Variants in TEX101 observed in about 807,000 individuals in gnomAD.
TEX101 encodes testis expressed 101, also known as testis-expressed protein 101.
In TEX101, 10 loss-of-function variants were observed where a neutral mutation model predicts 18.1. The observed-to-expected ratio is 0.55, with a 90% confidence interval of 0.34 to 0.94. The LOEUF is 0.94. TEX101 is among the 40% of genes least tolerant of loss of function. TEX101 has a pLI of 0.02. For synonymous variants in TEX101, 94 were observed against 114.8 expected, an observed-to-expected ratio of 0.82 and a Z score of 1.16; for missense variants, 259 against 298.9, an observed-to-expected ratio of 0.87 and a Z score of 0.98.
At chr19:43,417,839 C>T in intron 4 of TEX101, 39 bp from the exon 5 acceptor site, 1 of 1,611,914 alleles carries the variant, frequency 6.2e-7, no homozygotes, top group South Asian at 1.1e-5. Flanking sequence ...TCTCTGGAGG[C>T]AGGACCTGCC....
At chr19:43,399,259 T>C (rs556758676), upstream of TEX101, among the ~76,000 whole-genome samples, 1 of 152,336 alleles carries the variant, frequency 6.6e-6, no homozygotes, top group Non-Finnish European at 1.5e-5. Flanking sequence ...TATTGGATTA[T>C]ATCAAGTTGC....
chr19:43,406,480 T>G (rs1207234587), exon 3 of TEX101: 1 of 767,554 alleles, frequency 1.3e-6, no homozygotes, highest in South Asian at 1.4e-5. Context: ...CGGTGGGCGG[T>G]CCCGCCTCCA....
upstream of TEX101, among the ~76,000 whole-genome samples, chr19:43,399,228 T>A (rs1599895111): frequency 2.0e-5 from 3 of 152,318 alleles, no homozygotes; most frequent in East Asian, 3.9e-4. Context: ...GAATACTTCA[T>A]GAGTGATGCT....
chr19:43,416,102 G>A lies in TEX101; in HGVS notation c.68G>A (p.Gly23Asp), dbSNP rs1555746497. The A allele has an allele frequency of 5.6e-6, 9 of 1,610,050 alleles. No individual in the cohort carries two copies. Among genetic ancestry groups the A allele is most frequent in the Non-Finnish European group, 7.6e-6 (9 of 1,178,132 alleles). ...CCTTTTCTTGTTTTCTCCTCAGCGG[G>A]CCTAGAGCTGTATTGTCAAAAGGGT... The part of the protein sequence containing the change: ...LVLGASLLTS[G>D]LELYCQKGLS... The change falls in exon 3 of 6, where the codon GGC becomes GAC. Residue 23 changes from glycine to aspartate, a missense_variant. By Grantham distance (94) the Gly-to-Asp change is moderately conservative. Coordinates refer to ENST00000598265, the MANE Select transcript of TEX101 (RefSeq NM_001130011.3).
upstream of TEX101, among the ~76,000 whole-genome samples, chr19:43,400,319 G>A (rs1970308282): frequency 1.3e-5 from 2 of 152,152 alleles, no homozygotes; most frequent in South Asian, 2.1e-4. Flanking sequence ...GTTTGCTACT[G>A]TTAGCAGATA....
chr19:43,390,755 T>C, the TEX101 span, among the ~76,000 whole-genome samples: 3 of 151,460 alleles, frequency 2.0e-5, no homozygotes, highest in Admixed American at 6.6e-5. Flanking sequence ...GTAAGCCACC[T>C]CGCCCGGCCC....
chr19:43,414,884 C>T (rs1042843713), upstream of TEX101: 43 of 985,354 alleles, frequency 4.4e-5, no homozygotes, highest in Admixed American at 2.3e-3. Context: ...CCCGGCCTTG[C>T]GTCGTAAGAG....
chr19:43,412,159 G>C (rs764087786), upstream of TEX101, among the ~76,000 whole-genome samples: 4 of 152,162 alleles, frequency 2.6e-5, no homozygotes, highest in African/African-American at 4.8e-5. Flanking sequence ...GGTTTGATTG[G>C]CTCAAGGTTC....
rs1041750344 is a variant in TEX101 at position 43,418,185 on chromosome 19, G to C, written c.538G>C (p.Val180Leu). 2 of 1,614,208 alleles carry C rather than the reference G, an allele frequency of 1.2e-6. No homozygotes were observed. The highest frequency in any genetic ancestry group is 1.7e-5 in the Admixed American group (1 of 60,026). ...EITGGGIESS[V>L]EVKGCTAMIG... ...TTCTATAGGTGGCATTGAGTCGTCTGTGGAGGTCAAAGGCTGTACAGCCAT... is the reference window on the plus strand; with the variant it reads ...TTCTATAGGTGGCATTGAGTCGTCTCTGGAGGTCAAAGGCTGTACAGCCAT... The change falls in exon 6 of 6, where the codon GTG (valine) becomes CTG (leucine). Residue 180 changes from valine to leucine, a missense_variant. Val to Leu is a conservative substitution (Grantham distance 32). Transcript: ENST00000598265.
Position 43,417,936 on chromosome 19 carries a change from C to G in TEX101, c.450C>G (p.Phe150Leu), listed in dbSNP as rs769859550. The G allele has an allele frequency of 1.7e-5, 27 of 1,614,062 alleles. No individual in the cohort carries two copies. Among genetic ancestry groups the G allele is most frequent in the Non-Finnish European group, 2.2e-5 (26 of 1,180,036 alleles). Residue 150 changes from phenylalanine to leucine, a missense_variant, in exon 5 of 6, where the codon TTC becomes TTG. Physicochemically the swap from Phe to Leu is conservative, Grantham distance 22. Coordinates refer to ENST00000598265, the MANE Select transcript of TEX101 (RefSeq NM_001130011.3). Reference sequence around the variant, plus strand: ...CCTGTGTGGCTTTGGGGACCTGTTTCAGTGCTCCTTCTCTTCCCTGTCCCA... The same window carrying G: ...CCTGTGTGGCTTTGGGGACCTGTTTGAGTGCTCCTTCTCTTCCCTGTCCCA... The part of the protein sequence containing the change: ...CPTCVALGTC[F>L]SAPSLPCPNG...
upstream of TEX101, among the ~76,000 whole-genome samples, chr19:43,411,807 G>A (rs1411904095): frequency 6.6e-6 from 1 of 151,872 alleles, no homozygotes; most frequent in Non-Finnish European, 1.5e-5. Flanking sequence ...CGTGCCACCA[G>A]GCCTGGCTAA....
At chr19:43,406,170 C>A in intron 2 of TEX101, 5 of 223,038 alleles carry the variant, frequency 2.2e-5, no homozygotes, top group Middle Eastern at 1.7e-3. Flanking sequence ...TGAATTAAAA[C>A]AAAACACAGC....
chr19:43,398,319 A>G (rs902582366), upstream of TEX101, among the ~76,000 whole-genome samples: 44 of 144,546 alleles, frequency 3.0e-4, no homozygotes, highest in African/African-American at 1.1e-3. Flanking sequence ...CTCTGTTGCC[A>G]GGCTGGAGTG....
chr19:43,401,211 G>A (rs1478117176), upstream of TEX101, among the ~76,000 whole-genome samples: 1 of 152,216 alleles, frequency 6.6e-6, no homozygotes, highest in Non-Finnish European at 1.5e-5. Context: ...ACATAATTCA[G>A]TAACTGTTAA....
intron 2 of TEX101, chr19:43,406,081 C>CAAAAAAAAA (rs34029449): frequency 0.032 from 1,883 of 58,736 alleles, 268 homozygotes; most frequent in African/African-American, 0.084. Flanking sequence ...CCTGTCTCTA[C>CAAAAAAAAA]AAAAAAAAAA....
At chr19:43,391,904 C>T in the TEX101 span, among the ~76,000 whole-genome samples, 1 of 152,204 alleles carries the variant, frequency 6.6e-6, no homozygotes, top group Non-Finnish European at 1.5e-5. Flanking sequence ...ATATGGAAAC[C>T]TTCTTCCCTT....
chr19:43,412,193 G>C (rs1599901401), upstream of TEX101, among the ~76,000 whole-genome samples: 1 of 152,318 alleles, frequency 6.6e-6, no homozygotes, highest in African/African-American at 2.4e-5. Context: ...GAAGCGTGGT[G>C]CCAGCATCTC....
At chr19:43,392,100 G>A in the TEX101 span, among the ~76,000 whole-genome samples, 1 of 152,118 alleles carries the variant, frequency 6.6e-6, no homozygotes, top group East Asian at 1.9e-4. Context: ...TGGAGAGAGA[G>A]AGAAAATGAT....
chr19:43,411,307 T>G (rs1297642960), upstream of TEX101, among the ~76,000 whole-genome samples: 1 of 151,746 alleles, frequency 6.6e-6, no homozygotes, highest in Non-Finnish European at 1.5e-5. Context: ...GAACTCCTGA[T>G]CTCAGGTGAT....
Sources: allele counts gnomAD v4.1 joint callset (sites outside exome capture counted in the v4.1 genomes callset), GRCh38; gene constraint gnomAD v4.1.1; transcripts MANE v1.5; gene names NCBI Gene and HGNC (gene_info 2026-07-23, HGNC 2026-07-21).